The following LARGE1 variants were observed in gnomAD, a reference collection of about 807,000 sequenced individuals.
The protein encoded by LARGE1 is LARGE xylosyl- and glucuronyltransferase 1, also known as xylosyl- and glucuronyltransferase LARGE1.
Under a neutral mutation model 87.6 loss-of-function variants are expected in LARGE1, and 43 were observed. The ratio of observed to expected loss-of-function variants is 0.49; its 90% CI spans 0.38 to 0.63. The LOEUF is 0.63. Ranked by LOEUF, LARGE1 falls within the 30% of genes least tolerant of loss-of-function variation. The probability of loss-of-function intolerance (pLI) is 0.00; values close to 1 mark genes in which losing one functional copy is unlikely to be tolerated. For synonymous variants in LARGE1, 434 were observed against 394.6 expected (o/e 1.10, Z -1.18); for missense variants, 802 against 1,000.2 (o/e 0.80, Z 2.67).
In LARGE1 at chr22:33,277,149, C is replaced by G; in HGVS notation, c.1984G>C (p.Val662Leu). 6.2e-7 allele frequency: 1 copy of G among 1,614,274 alleles called. No individual in the cohort carries two copies. The highest frequency in any genetic ancestry group is 1.3e-5 in the African/African-American group (1 of 75,072). ...EWEADFEPYV[V>L]VRRDCPEYDR... Reference sequence around the variant, plus strand: ...TACTCCGGGCAGTCACGTCTCACAACAACATACGGCTCAAAATCGGCCTCC... The same window carrying G: ...TACTCCGGGCAGTCACGTCTCACAAGAACATACGGCTCAAAATCGGCCTCC... The change falls in exon 14 of 15, where the codon GTT becomes CTT. Residue 662 changes from valine to leucine, a missense_variant. Val to Leu is a conservative substitution (Grantham distance 32, BLOSUM62 1). Around this residue, in one of 2 missense-constraint regions of LARGE1, gnomAD observed 625 missense variants for 841.9 expected, o/e 0.74. Coordinates refer to ENST00000397394, the MANE Select transcript of LARGE1 (RefSeq NM_133642.5).
chr22:33,836,190 G>A (rs1038623516), intron 1 of LARGE1, among the ~76,000 whole-genome samples: 2 of 151,262 alleles, frequency 1.3e-5, no homozygotes, highest in African/African-American at 4.8e-5. Context: ...GAGGCAGATG[G>A]TTCCAAAGTT....
chr22:33,424,163 C>T (rs888289155), intron 7 of LARGE1, among the ~76,000 whole-genome samples: 1 of 152,218 alleles, frequency 6.6e-6, no homozygotes, highest in East Asian at 1.9e-4. Flanking sequence ...TTGAGATTCA[C>T]TTTCTCTGGG....
At chr22:33,494,553 T>C (rs2070010726) in intron 6 of LARGE1, among the ~76,000 whole-genome samples, 1 of 152,224 alleles carries the variant, frequency 6.6e-6, no homozygotes, top group South Asian at 2.1e-4. Context: ...GTTAGATCCA[T>C]AGCATTGATT....
At chr22:33,696,267 T>TTTCTTTC (rs1569380174) in intron 2 of LARGE1, among the ~76,000 whole-genome samples, 1 of 124,684 alleles carries the variant, frequency 8.0e-6, no homozygotes, top group African/African-American at 2.7e-5. Context: ...TTCTTTCTTT[T>TTTCTTTC]TTTTTTTTTT....
At chr22:33,487,235 T>C (rs2069627871) in intron 6 of LARGE1, among the ~76,000 whole-genome samples, 1 of 152,208 alleles carries the variant, frequency 6.6e-6, no homozygotes, top group Admixed American at 6.5e-5. Context: ...AACAAGACAC[T>C]GATTCAGGCA....
chr22:33,272,991 G>A lies in LARGE1; in HGVS notation c.*1436C>T. 6.2e-6 allele frequency: 1 copy of A among 160,808 alleles called. No homozygotes were observed. The highest frequency in any genetic ancestry group is 1.4e-5 in the Non-Finnish European group (1 of 73,914). 10.0% of individuals were successfully genotyped at this position (160,808 alleles called of 1,614,324 possible). A position where few individuals can be genotyped will look rare whatever the true frequency, so the allele number is the denominator to read the frequency against. On this transcript the variant is annotated 3_prime_UTR_variant, in exon 15 of 15. Transcript: ENST00000397394. ...GAAAAATAGAATGGGGGAACAGAAA[G>A]TGTGAAGTTGCTGTTTATCCACTGC...
chr22:33,700,916 T>A (rs1382933748), intron 2 of LARGE1, among the ~76,000 whole-genome samples: 2 of 151,362 alleles, frequency 1.3e-5, no homozygotes, highest in Non-Finnish European at 2.9e-5. Flanking sequence ...AGCCCGAGAG[T>A]GGATTTCCAC....
chr22:33,192,729 C>A (rs1021137373), intron 11 of LARGE1, among the ~76,000 whole-genome samples: 1 of 152,060 alleles, frequency 6.6e-6, no homozygotes, highest in Non-Finnish European at 1.5e-5. Context: ...GGGTCATATT[C>A]AAAAAATCTT....
At chr22:33,839,504 C>A (rs1488355252) in intron 1 of LARGE1, among the ~76,000 whole-genome samples, 1 of 152,198 alleles carries the variant, frequency 6.6e-6, no homozygotes. Flanking sequence ...CAGAGAAGAT[C>A]CCCATTTACA....
At chr22:33,642,347 T>A (rs1283615421) in intron 3 of LARGE1, among the ~76,000 whole-genome samples, 1 of 152,170 alleles carries the variant, frequency 6.6e-6, no homozygotes, top group Non-Finnish European at 1.5e-5. Flanking sequence ...AAGGATTTTG[T>A]CACCACTAGG....
rs181066857 is a variant in LARGE1 at position 33,737,849 on chromosome 22, T to C, written c.106+23522A>G. The C allele has an allele frequency of 3.3e-5, 5 of 152,296 alleles. No homozygotes were observed. The East Asian group carries it at 7.7e-4, about 24-fold the overall frequency. 9.4% of individuals were successfully genotyped at this position (152,296 alleles called of 1,614,324 possible). A position where few individuals can be genotyped will look rare whatever the true frequency, so the allele number is the denominator to read the frequency against. ...GGTAAAGGCAGAGTGTACAAGCCTC[T>C]GCCAGAACTCACATTCACACACCAC... On this transcript the variant is annotated intron_variant, in intron 2 of 14. Transcript: ENST00000397394.
chr22:33,210,337 A>G (rs1267575828), intron 11 of LARGE1, among the ~76,000 whole-genome samples: 1 of 152,202 alleles, frequency 6.6e-6, no homozygotes, highest in Admixed American at 6.5e-5. Flanking sequence ...TAGTGGTTTA[A>G]AAAATGAAGT....
chr22:33,826,636 G>C (rs1005033183), intron 1 of LARGE1, among the ~76,000 whole-genome samples: 2 of 151,976 alleles, frequency 1.3e-5, no homozygotes, highest in Non-Finnish European at 2.9e-5. Context: ...CCATCAACCC[G>C]GCCTTGCCTC....
At chr22:33,529,178 C>T (rs966992397) in intron 6 of LARGE1, among the ~76,000 whole-genome samples, 7 of 152,012 alleles carry the variant, frequency 4.6e-5, no homozygotes, top group South Asian at 4.1e-4. Context: ...GCTTATCTTG[C>T]TTTTTTTTCA....
At chr22:33,583,750 C>T (rs999694480) in intron 5 of LARGE1, among the ~76,000 whole-genome samples, 4 of 152,196 alleles carry the variant, frequency 2.6e-5, no homozygotes, top group Admixed American at 6.5e-5. Flanking sequence ...GTGCTTCCCT[C>T]GCCTTGTCCA....
intron 12 of LARGE1, among the ~76,000 whole-genome samples, chr22:33,303,818 T>G (rs1370040323): frequency 8.5e-5 from 12 of 140,704 alleles, no homozygotes; most frequent in African/African-American, 2.0e-4. Context: ...AGGGGGGGGG[T>G]TTCACCATGT....
At chr22:33,764,817 G>A (rs1457503130) in intron 1 of LARGE1, among the ~76,000 whole-genome samples, 2 of 152,170 alleles carry the variant, frequency 1.3e-5, no homozygotes, top group Non-Finnish European at 2.9e-5. Flanking sequence ...CAATGTGAAT[G>A]CTACATAAAT....
At chr22:33,190,084 A>G (rs1036563476) in intron 11 of LARGE1, among the ~76,000 whole-genome samples, 1 of 152,206 alleles carries the variant, frequency 6.6e-6, no homozygotes, top group Non-Finnish European at 1.5e-5. Context: ...AGCAATGAGA[A>G]TAGATGTGTA....
chr22:33,495,197 C>G (rs2070046978), intron 6 of LARGE1, among the ~76,000 whole-genome samples: 2 of 149,600 alleles, frequency 1.3e-5, no homozygotes, highest in Admixed American at 6.7e-5. Flanking sequence ...CTGCTTAGAA[C>G]ACTTCCACAG....
Sources: gnomAD v4.1 joint callset for allele counts (sites outside exome capture counted in the v4.1 genomes callset) on GRCh38, gnomAD v4.1.1 for gene constraint, gnomAD v4.1.1 regional missense constraint, MANE v1.5 for transcripts, NCBI Gene and HGNC (gene_info 2026-07-23, HGNC 2026-07-21) for gene names.